Variants in PDZRN4 observed in about 807,000 individuals in gnomAD.
PDZRN4 encodes the protein PDZ domain containing ring finger 4.
In PDZRN4, 70 loss-of-function variants were observed where a neutral mutation model predicts 99.0. The ratio of observed to expected loss-of-function variants is 0.71; its 90% CI spans 0.58 to 0.86. The LOEUF (loss-of-function observed/expected upper bound fraction) is 0.86. Ranked by LOEUF, PDZRN4 falls within the 40% of genes least tolerant of loss-of-function variation. The pLI, the probability that PDZRN4 is intolerant of heterozygous loss-of-function variation, is 0.00. For missense variants in PDZRN4, 1,474 were observed against 1,331.2 expected, an observed-to-expected ratio of 1.11 and a Z score of -1.67; for synonymous variants, 551 against 501.6, an observed-to-expected ratio of 1.10 and a Z score of -1.32.
At chr12:41,237,515 T>C (rs747829815) in intron 3 of PDZRN4, among the ~76,000 whole-genome samples, 2 of 152,060 alleles carry the variant, frequency 1.3e-5, no homozygotes, top group Non-Finnish European at 2.9e-5. Flanking sequence ...TTTAATACTT[T>C]AACATTTTTG....
chr12:41,270,326 C>CTG (rs60482879), intron 3 of PDZRN4, among the ~76,000 whole-genome samples: 2,874 of 138,430 alleles, frequency 0.021, 53 homozygotes, highest in African/African-American at 0.046. Flanking sequence ...GTGTGTGTGT[C>CTG]TGTGTGTGTG....
At chr12:41,369,038 T>C (rs1170420181) in intron 3 of PDZRN4, among the ~76,000 whole-genome samples, 1 of 152,136 alleles carries the variant, frequency 6.6e-6, no homozygotes, top group Admixed American at 6.6e-5. Flanking sequence ...ACTGCCCAGA[T>C]TGTACTCATT....
chr12:41,348,561 T>C (rs1250388560), intron 3 of PDZRN4, among the ~76,000 whole-genome samples: 1 of 152,090 alleles, frequency 6.6e-6, no homozygotes, highest in Non-Finnish European at 1.5e-5. Context: ...AGAATGTTCT[T>C]GATGTAGTAG....
Position 41,225,098 on chromosome 12 carries a change from A to G in PDZRN4, c.843+30910A>G, listed in dbSNP as rs79402151. Among the ~76,000 whole-genome samples the G allele has an allele frequency of 9.6e-3, 1,467 of 152,318 alleles. 12 individuals are homozygous for G. Among genetic ancestry groups the G allele is most frequent in the South Asian group, 0.024 (114 of 4,816 alleles). On this transcript the variant is annotated intron_variant, in intron 3 of 9. Transcript: ENST00000402685. ...TCTCCAGAGTATAAAAAGTCATGCT[A>G]TACTGAGAAAAATATAATATAGCTT...
rs780583197 is a variant in PDZRN4 at position 41,387,355 on chromosome 12, G to A, written c.844-119101G>A. ...TCCAAGCACTTTGGGAGACTGAGGCGGGTGGATTGCCTAAGCTCAGGAGTT... is the reference window on the plus strand; with the variant it reads ...TCCAAGCACTTTGGGAGACTGAGGCAGGTGGATTGCCTAAGCTCAGGAGTT... On this transcript the variant is annotated intron_variant, in intron 3 of 9. Coordinates refer to ENST00000402685, the MANE Select transcript of PDZRN4 (RefSeq NM_001164595.2). Among the ~76,000 whole-genome samples, 7 of 152,068 alleles carry A rather than the reference G, an allele frequency of 4.6e-5. No individual in the cohort carries two copies. In the South Asian group the frequency reaches 1.2e-3, roughly 27 times the overall value.
At chr12:41,437,809 C>A in intron 3 of PDZRN4, 1 of 1,566,064 alleles carries the variant, frequency 6.4e-7, no homozygotes, top group African/African-American at 1.4e-5. Context: ...CAGCTAACAG[C>A]GGTTTGTCTG....
At chr12:41,286,304 A>G (rs1469963046) in intron 3 of PDZRN4, among the ~76,000 whole-genome samples, 1 of 120,208 alleles carries the variant, frequency 8.3e-6, no homozygotes, top group Non-Finnish European at 1.8e-5. Context: ...AGAAAGTCCT[A>G]TTTTCCTTTA....
intron 3 of PDZRN4, among the ~76,000 whole-genome samples, chr12:41,481,479 T>C (rs1937673624): frequency 6.6e-6 from 1 of 152,176 alleles, no homozygotes; most frequent in Non-Finnish European, 1.5e-5. Context: ...TCCCTCTCCC[T>C]GTTTTTCCAT....
chr12:41,542,337 T>A (rs1287895604), intron 5 of PDZRN4, among the ~76,000 whole-genome samples: 1 of 152,182 alleles, frequency 6.6e-6, no homozygotes, highest in Non-Finnish European at 1.5e-5. Flanking sequence ...TGAAGTCTGC[T>A]CTTTCTTCTT....
intron 3 of PDZRN4, among the ~76,000 whole-genome samples, chr12:41,256,531 C>T (rs1429651610): frequency 1.3e-5 from 2 of 152,202 alleles, no homozygotes; most frequent in African/African-American, 2.4e-5. Context: ...CATTTACCTT[C>T]TCTTTTCTAT....
Position 41,511,124 on chromosome 12 carries a change from A to G in PDZRN4, c.1203+1211A>G, listed in dbSNP as rs559304739. On this transcript the variant is annotated intron_variant, in intron 5 of 9. Transcript: ENST00000402685. The stretch of plus-strand genomic sequence containing the variant: ...TATGTTTTCCTTTTGGTTAATGAAT[A>G]CTTTCAGTTTGGGGACTGGAATTAT... 2.6e-4 allele frequency among the ~76,000 whole-genome samples: 39 copies of G among 152,234 alleles called. No individual in the cohort carries two copies. In the South Asian group the frequency reaches 7.9e-3, roughly 31 times the overall value.
intron 3 of PDZRN4, among the ~76,000 whole-genome samples, chr12:41,221,330 T>C (rs376710507): frequency 1.7e-4 from 26 of 152,282 alleles, no homozygotes; most frequent in African/African-American, 6.3e-4. Flanking sequence ...GGGTGTGCTA[T>C]TGTAACCCAA....
Position 41,468,772 on chromosome 12 carries a change from C to T in PDZRN4, c.844-37684C>T, listed in dbSNP as rs189810060. Reference sequence around the variant, plus strand: ...TTAAATGTCCTTTGTAATCTCTTCCCCTCTAGAGTGGACAAAAATAATCAG... The same window carrying T: ...TTAAATGTCCTTTGTAATCTCTTCCTCTCTAGAGTGGACAAAAATAATCAG... On this transcript the variant is annotated intron_variant, in intron 3 of 9. Coordinates refer to ENST00000402685, the MANE Select transcript of PDZRN4 (RefSeq NM_001164595.2). Among the ~76,000 whole-genome samples, 129 of 152,244 alleles carry T rather than the reference C, an allele frequency of 8.5e-4. 2 individuals carry two copies. Among genetic ancestry groups the T allele is most frequent in the African/African-American group, 3.0e-3 (124 of 41,546 alleles).
At chr12:41,494,426 A>G (rs1592083762) in intron 3 of PDZRN4, among the ~76,000 whole-genome samples, 1 of 152,248 alleles carries the variant, frequency 6.6e-6, no homozygotes, top group East Asian at 1.9e-4. Flanking sequence ...AGCATGTGTG[A>G]CACAAATAGT....
chr12:41,494,810 G>A (rs140242299), intron 3 of PDZRN4, among the ~76,000 whole-genome samples: 1 of 152,224 alleles, frequency 6.6e-6, no homozygotes, highest in East Asian at 1.9e-4. Flanking sequence ...ACAAGTGTCA[G>A]GCTGCATTCA....
chr12:41,246,545 C>T (rs7314528), intron 3 of PDZRN4, among the ~76,000 whole-genome samples: 86,108 of 151,980 alleles, frequency 0.57, 24,492 homozygotes, highest in East Asian at 0.65. Context: ...ACTATTACTA[C>T]ATCTAATTTT....
At chr12:41,314,000 C>T (rs1951623416) in intron 3 of PDZRN4, among the ~76,000 whole-genome samples, 1 of 152,112 alleles carries the variant, frequency 6.6e-6, no homozygotes, top group Non-Finnish European at 1.5e-5. Context: ...TTTATTCATT[C>T]TTATGTGTTA....
chr12:41,195,973 C>A (rs1041903619), intron 3 of PDZRN4, among the ~76,000 whole-genome samples: 3 of 152,024 alleles, frequency 2.0e-5, no homozygotes, highest in Admixed American at 2.0e-4. Flanking sequence ...AACAGAAATA[C>A]GTATTGGCAA....
intron 5 of PDZRN4, among the ~76,000 whole-genome samples, chr12:41,549,584 C>G (rs150329341): frequency 2.6e-5 from 4 of 152,308 alleles, no homozygotes; most frequent in Non-Finnish European, 5.9e-5. Flanking sequence ...AGAAAAATCT[C>G]ACTTGGGTCT....
Sources: gnomAD v4.1 joint callset for allele counts (sites outside exome capture counted in the v4.1 genomes callset) on GRCh38, gnomAD v4.1.1 for gene constraint, MANE v1.5 for transcripts, NCBI Gene and HGNC (gene_info 2026-07-23, HGNC 2026-07-21) for gene names.